The following CACNA2D1 variants were observed in gnomAD, a reference collection of about 807,000 sequenced individuals.
CACNA2D1 encodes the protein voltage-dependent calcium channel subunit alpha-2/delta-1.
CACNA2D1 carries 53 observed loss-of-function variants against 171.5 expected under a neutral mutation model. That is an observed-to-expected ratio of 0.31 (90% CI 0.25 to 0.39). The LOEUF (loss-of-function observed/expected upper bound fraction) is 0.39. Ranked by LOEUF, CACNA2D1 falls within the 10% of genes least tolerant of loss-of-function variation. The pLI is 1.00. For missense variants in CACNA2D1, 903 were observed against 1,299.8 expected (o/e 0.69, Z 4.69); for synonymous variants, 442 against 443.1 (o/e 1.00, Z 0.03).
At position 82,333,450 on chromosome 7, in the gene CACNA2D1, C is replaced by T. The variant is rs183803884; in HGVS notation, c.294+1685G>A. On this transcript the variant is annotated intron_variant, in intron 3 of 38. Transcript: ENST00000356860. ...GGCTGGGAAGGCCTCACAATCATGA[C>T]GGAAGGCAAAGGAGGAGCAAAGTCA... Among the ~76,000 whole-genome samples the T allele has an allele frequency of 9.3e-5, 14 of 151,284 alleles. No individual in the cohort carries two copies. In the East Asian group the frequency reaches 1.4e-3, roughly 15 times the overall value.
At chr7:82,068,634 T>G (rs1040434853) in intron 7 of CACNA2D1, among the ~76,000 whole-genome samples, 1 of 141,282 alleles carries the variant, frequency 7.1e-6, no homozygotes, top group East Asian at 2.0e-4. Context: ...TTCTCTCTTC[T>G]GATTGAACCC....
chr7:82,376,031 C>G (rs1272310029), intron 1 of CACNA2D1, among the ~76,000 whole-genome samples: 1 of 152,112 alleles, frequency 6.6e-6, no homozygotes. Flanking sequence ...AGCCCCCTAC[C>G]TCTTGTTAAA....
At chr7:82,121,891 G>A (rs258688) in intron 5 of CACNA2D1, among the ~76,000 whole-genome samples, 100,418 of 152,018 alleles carry the variant, frequency 0.66, 35,176 homozygotes, top group African/African-American at 0.92. Context: ...TGGAAAAACT[G>A]TAGCATTGAT....
At position 82,097,815 on chromosome 7, in the gene CACNA2D1, G is replaced by C. The variant is rs1015624836; in HGVS notation, c.527-12915C>G. On this transcript the variant is annotated intron_variant, in intron 6 of 38. Coordinates refer to ENST00000356860, the MANE Select transcript of CACNA2D1 (RefSeq NM_000722.4). ...ACCAATAATGTCTATGAATCCTCAG[G>C]TTTAAGAGGCAAGCAAGGACAGGTC... Among the ~76,000 whole-genome samples, 6 of 152,040 alleles carry C rather than the reference G, an allele frequency of 3.9e-5. 1 individual carries two copies. The highest frequency in any genetic ancestry group is 3.3e-4 in the Admixed American group (5 of 15,250).
rs114979730 is a variant in CACNA2D1 at position 82,327,082 on chromosome 7, C to T, written c.294+8053G>A. ...CCATATAAAAAATGCCAACAGAAAACAATATTTCCTTTCCTCTCCTCTGCT... is the reference window on the plus strand; with the variant it reads ...CCATATAAAAAATGCCAACAGAAAATAATATTTCCTTTCCTCTCCTCTGCT... On this transcript the variant is annotated intron_variant, in intron 3 of 38. Coordinates refer to ENST00000356860, the MANE Select transcript of CACNA2D1 (RefSeq NM_000722.4). 7.7e-3 allele frequency among the ~76,000 whole-genome samples: 1,167 copies of T among 152,288 alleles called. 19 individuals carry two copies. Among genetic ancestry groups the T allele is most frequent in the African/African-American group, 0.025 (1,059 of 41,548 alleles).
chr7:82,170,609 G>A lies in CACNA2D1; in HGVS notation c.295C>T (p.Arg99Cys), dbSNP rs1340629145. The A allele has an allele frequency of 4.3e-6, 7 of 1,611,984 alleles. No homozygotes were observed. The highest frequency in any genetic ancestry group is 2.2e-5 in the East Asian group (1 of 44,734). Residue 99 changes from arginine (R) to cysteine (C), a missense_variant and splice_region_variant, in exon 4 of 39, where the codon CGC (arginine) becomes TGC (cysteine). By Grantham distance (180) the Arg-to-Cys change is radical. Transcript: ENST00000356860. ...LLSNRSKALVRLALEAEKVQA... is the reference protein window; with the variant it reads ...LLSNRSKALVCLALEAEKVQA... ...ACTTTCTCCGCTTCCAATGCCAGGCGCTGAAAAACAAACAATAAATCTTAG... is the reference window on the plus strand; with the variant it reads ...ACTTTCTCCGCTTCCAATGCCAGGCACTGAAAAACAAACAATAAATCTTAG...
At chr7:82,260,151 G>A (rs1197336399) in intron 3 of CACNA2D1, among the ~76,000 whole-genome samples, 1 of 152,142 alleles carries the variant, frequency 6.6e-6, no homozygotes, top group Non-Finnish European at 1.5e-5. Context: ...GAACCCAGGA[G>A]GCAGAGGTTT....
intron 4 of CACNA2D1, among the ~76,000 whole-genome samples, chr7:82,145,267 T>A (rs1442825285): frequency 6.9e-6 from 1 of 144,294 alleles, no homozygotes; most frequent in Non-Finnish European, 1.5e-5. Context: ...TTATATAAAA[T>A]ATATAAAATA....
rs1269696440 is a variant in CACNA2D1 at position 81,948,855 on chromosome 7, CATAA to C, written c.*1533_*1536del. 6 of 151,848 alleles carry C rather than the reference CATAA, an allele frequency of 4.0e-5. No individual in the cohort carries two copies. Among genetic ancestry groups the C allele is most frequent in the Non-Finnish European group, 5.9e-5 (4 of 67,846 alleles). The allele number at this position is 151,848 out of a possible 1,614,324, so 9.4% of individuals were successfully genotyped here. A position where few individuals can be genotyped will look rare whatever the true frequency, so the allele number is the denominator to read the frequency against. ...TGCTCCAGAAAATAATTTTTAAAAG[CATAA>C]ATAATCTGCTACCATATTAGTCTAT... On this transcript the variant is annotated 3_prime_UTR_variant, in exon 39 of 39. Coordinates refer to ENST00000356860, the MANE Select transcript of CACNA2D1 (RefSeq NM_000722.4).
At chr7:82,263,820 T>A (rs968890376) in intron 3 of CACNA2D1, among the ~76,000 whole-genome samples, 3 of 152,184 alleles carry the variant, frequency 2.0e-5, no homozygotes, top group Non-Finnish European at 4.4e-5. Context: ...AAAATCTACA[T>A]GGGTATGGCA....
chr7:82,345,685 T>A (rs986997812), intron 2 of CACNA2D1, among the ~76,000 whole-genome samples: 36 of 116,760 alleles, frequency 3.1e-4, no homozygotes, highest in Admixed American at 1.1e-3. Context: ...TAAAGGAGTG[T>A]GTGTGTGTGT....
chr7:82,201,147 G>A (rs3801712), intron 3 of CACNA2D1, among the ~76,000 whole-genome samples: 13,714 of 152,194 alleles, frequency 0.09, 731 homozygotes, highest in Non-Finnish European at 0.11. Context: ...AGAGGTGTTT[G>A]TGACAGCAGT....
intron 1 of CACNA2D1, among the ~76,000 whole-genome samples, chr7:82,433,518 A>G (rs1464753060): frequency 6.6e-6 from 1 of 152,230 alleles, no homozygotes; most frequent in Non-Finnish European, 1.5e-5. Flanking sequence ...CTGTATTCCA[A>G]CCATCTGCTT....
At chr7:82,389,870 C>T (rs1030568082) in intron 1 of CACNA2D1, among the ~76,000 whole-genome samples, 2 of 152,084 alleles carry the variant, frequency 1.3e-5, no homozygotes, top group East Asian at 3.8e-4. Flanking sequence ...AAAATTCTGA[C>T]GTGTTTGTTT....
At chr7:82,003,848 G>A (rs1221614962) in intron 18 of CACNA2D1, among the ~76,000 whole-genome samples, 1 of 151,388 alleles carries the variant, frequency 6.6e-6, no homozygotes, top group East Asian at 1.9e-4. Context: ...GGGTTCAAGA[G>A]ATTCTCCCTG....
At chr7:82,266,612 T>C (rs1020532266) in intron 3 of CACNA2D1, among the ~76,000 whole-genome samples, 2 of 151,594 alleles carry the variant, frequency 1.3e-5, no homozygotes, top group African/African-American at 4.8e-5. Flanking sequence ...CGCCTCCCGG[T>C]TTCAAGCTAT....
intron 10 of CACNA2D1, among the ~76,000 whole-genome samples, chr7:82,040,962 C>T (rs535832273): frequency 2.0e-5 from 3 of 151,080 alleles, no homozygotes; most frequent in Non-Finnish European, 2.9e-5. Context: ...GCAACAAGAG[C>T]GAAACTCCAT....
At chr7:82,015,319 A>G (rs1426855355) in intron 12 of CACNA2D1, among the ~76,000 whole-genome samples, 2 of 152,286 alleles carry the variant, frequency 1.3e-5, no homozygotes, top group South Asian at 2.1e-4. Flanking sequence ...TGTTGTTAGT[A>G]TATTACTTAT....
At chr7:82,200,098 A>T (rs144308292) in intron 3 of CACNA2D1, among the ~76,000 whole-genome samples, 155 of 152,274 alleles carry the variant, frequency 1.0e-3, no homozygotes, top group Non-Finnish European at 1.9e-3. Flanking sequence ...CCCTTGATAC[A>T]CAAAAATCTC....
Sources: gnomAD v4.1 joint callset for allele counts (sites outside exome capture counted in the v4.1 genomes callset) on GRCh38, gnomAD v4.1.1 for gene constraint, MANE v1.5 for transcripts, NCBI Gene and HGNC (gene_info 2026-07-23, HGNC 2026-07-21) for gene names.